Variants in NTNG1 observed in about 807,000 individuals in gnomAD.
NTNG1 encodes netrin G1, also known as netrin-G1.
Under a neutral mutation model 54.0 loss-of-function variants are expected in NTNG1, and 16 were observed. That is an observed-to-expected ratio of 0.30 (90% CI 0.20 to 0.45). The LOEUF (loss-of-function observed/expected upper bound fraction) is 0.45. Ranked by LOEUF, NTNG1 falls within the 20% of genes least tolerant of loss-of-function variation. NTNG1 has a pLI of 1.00. For synonymous variants in NTNG1, 255 were observed against 263.1 expected, an observed-to-expected ratio of 0.97 and a Z score of 0.30; for missense variants, 530 against 678.7, an observed-to-expected ratio of 0.78 and a Z score of 2.43.
chr1:107,466,003 G>A (rs1450078120), intron 7 of NTNG1, among the ~76,000 whole-genome samples: 2 of 152,190 alleles, frequency 1.3e-5, no homozygotes, highest in African/African-American at 4.8e-5. Flanking sequence ...TATGATCCAG[G>A]AGTAGACATT....
chr1:107,164,735 G>A (rs1315086395), intron 2 of NTNG1, among the ~76,000 whole-genome samples: 1 of 152,164 alleles, frequency 6.6e-6, no homozygotes, highest in Non-Finnish European at 1.5e-5. Flanking sequence ...TTTTGGTTTT[G>A]CATCTACATT....
intron 2 of NTNG1, among the ~76,000 whole-genome samples, chr1:107,290,699 G>A (rs1282823197): frequency 1.3e-5 from 2 of 151,876 alleles, no homozygotes; most frequent in Admixed American, 6.6e-5. Context: ...AGGTGATTAA[G>A]TAGCTAATGA....
intron 3 of NTNG1, among the ~76,000 whole-genome samples, chr1:107,393,773 A>G (rs1249666335): frequency 6.6e-6 from 1 of 152,056 alleles, no homozygotes; most frequent in Admixed American, 6.6e-5. Flanking sequence ...GTGTTCCAGA[A>G]AGATTATGGA....
At chr1:107,189,120 G>A (rs1330694443) in intron 2 of NTNG1, among the ~76,000 whole-genome samples, 2 of 152,160 alleles carry the variant, frequency 1.3e-5, no homozygotes, top group East Asian at 3.9e-4. Flanking sequence ...GGGAGACCGA[G>A]GTGGGTGTAT....
At chr1:107,382,453 A>C (rs1372886418) in intron 3 of NTNG1, among the ~76,000 whole-genome samples, 7 of 152,166 alleles carry the variant, frequency 4.6e-5, no homozygotes, top group African/African-American at 1.7e-4. Flanking sequence ...ACATTTGTAC[A>C]CACTTTGTGC....
intron 2 of NTNG1, among the ~76,000 whole-genome samples, chr1:107,320,010 A>C (rs1051109851): frequency 1.3e-5 from 2 of 151,998 alleles, no homozygotes; most frequent in Non-Finnish European, 2.9e-5. Flanking sequence ...CTCAAATTGT[A>C]TTTATCTCTC....
chr1:107,148,745 A>T lies in NTNG1; in HGVS notation c.152A>T (p.Gln51Leu), dbSNP rs1330359497. The T allele has an allele frequency of 6.2e-7, 1 of 1,613,712 alleles. No homozygotes were observed. The highest frequency in any genetic ancestry group is 8.5e-7 in the Non-Finnish European group (1 of 1,179,748). The change falls in exon 2 of 8, where the codon CAG (glutamine) becomes CTG (leucine). Residue 51 changes from glutamine to leucine, a missense_variant. Transcript: ENST00000370068. ...EGKVWDYMAC[Q>L]PESTDMTKYL... Reference sequence around the variant, plus strand: ...AAAGTTTGGGATTACATGGCCTGCCAGCCGGAATCCACGGACATGACAAAA... The same window carrying T: ...AAAGTTTGGGATTACATGGCCTGCCTGCCGGAATCCACGGACATGACAAAA...
intron 5 of NTNG1, chr1:107,408,519 AAC>A (rs1329530455): frequency 6.6e-6 from 1 of 152,130 alleles, no homozygotes; most frequent in Non-Finnish European, 1.5e-5. Context: ...ATCATGGGAG[AAC>A]CAGGTGTAGC....
intron 2 of NTNG1, among the ~76,000 whole-genome samples, chr1:107,155,526 A>G (rs897936754): frequency 1.3e-5 from 2 of 152,074 alleles, no homozygotes; most frequent in Non-Finnish European, 2.9e-5. Flanking sequence ...GTACTCCACC[A>G]TTTAGCACCT....
At chr1:107,449,837 A>G (rs1414379805) in intron 7 of NTNG1, among the ~76,000 whole-genome samples, 1 of 152,096 alleles carries the variant, frequency 6.6e-6, no homozygotes, top group East Asian at 1.9e-4. Flanking sequence ...AAAGAACTGA[A>G]AACTTAAGCT....
At chr1:107,180,142 C>A (rs888766762) in intron 2 of NTNG1, among the ~76,000 whole-genome samples, 1 of 152,098 alleles carries the variant, frequency 6.6e-6, no homozygotes, top group African/African-American at 2.4e-5. Flanking sequence ...AAAATCTGTG[C>A]TTCTTTTTGC....
At position 107,438,810 on chromosome 1, in the gene NTNG1, C is replaced by T. The variant is rs541177; in HGVS notation, c.1390+2011C>T. ...GAGTATTATAAAAAATATGGTGTTGCCACCAACTTTTCCCTTCTGGAATCA... is the reference window on the plus strand; with the variant it reads ...GAGTATTATAAAAAATATGGTGTTGTCACCAACTTTTCCCTTCTGGAATCA... On this transcript the variant is annotated intron_variant, in intron 7 of 7. Coordinates refer to ENST00000370068, the MANE Select transcript of NTNG1 (RefSeq NM_001113226.3). 4.6e-3 allele frequency among the ~76,000 whole-genome samples: 698 copies of T among 152,238 alleles called. 3 individuals are homozygous for T. The highest frequency in any genetic ancestry group is 0.016 in the African/African-American group (667 of 41,560).
chr1:107,238,566 G>A (rs909757266), intron 2 of NTNG1, among the ~76,000 whole-genome samples: 2 of 152,118 alleles, frequency 1.3e-5, no homozygotes, highest in Non-Finnish European at 2.9e-5. Context: ...CATGTTGTGG[G>A]AGAGACACAG....
intron 2 of NTNG1, among the ~76,000 whole-genome samples, chr1:107,275,998 G>A (rs1037601365): frequency 1.3e-5 from 2 of 152,142 alleles, no homozygotes; most frequent in African/African-American, 4.8e-5. Flanking sequence ...GAATGCAGAA[G>A]GTGCTAAACT....
chr1:107,378,275 A>G (rs997744419), intron 3 of NTNG1, among the ~76,000 whole-genome samples: 1 of 152,200 alleles, frequency 6.6e-6, no homozygotes, highest in Non-Finnish European at 1.5e-5. Flanking sequence ...CACATTGCCT[A>G]TGACCCTTGA....
intron 2 of NTNG1, among the ~76,000 whole-genome samples, chr1:107,199,275 CTTCT>C (rs1256096971): frequency 3.8e-4 from 2 of 5,310 alleles, no homozygotes; most frequent in Admixed American, 3.0e-3. Context: ...AATTTTATTA[CTTCT>C]TTTTTTTTTC....
intron 2 of NTNG1, among the ~76,000 whole-genome samples, chr1:107,266,752 A>T (rs2101673300): frequency 6.6e-6 from 1 of 151,858 alleles, no homozygotes; most frequent in Middle Eastern, 3.4e-3. Flanking sequence ...AAGAAAGATT[A>T]TGTGTGGACT....
chr1:107,442,150 T>C (rs1056596339), intron 7 of NTNG1, among the ~76,000 whole-genome samples: 3 of 152,156 alleles, frequency 2.0e-5, no homozygotes, highest in Non-Finnish European at 4.4e-5. Context: ...TAATGAGAAT[T>C]TCTTTACCCA....
At chr1:107,460,190 C>T (rs1001627110) in intron 7 of NTNG1, among the ~76,000 whole-genome samples, 2 of 152,134 alleles carry the variant, frequency 1.3e-5, no homozygotes, top group Admixed American at 1.3e-4. Context: ...GGGTTCTCGT[C>T]GTGAGCTTCA....
Sources: allele counts gnomAD v4.1 joint callset (sites outside exome capture counted in the v4.1 genomes callset), GRCh38; gene constraint gnomAD v4.1.1; transcripts MANE v1.5; gene names NCBI Gene and HGNC (gene_info 2026-07-23, HGNC 2026-07-21).